ADAMTS2: variants seen among roughly 807,000 people sequenced by gnomAD.
ADAMTS2 encodes the protein A disintegrin and metalloproteinase with thrombospondin motifs 2.
ADAMTS2 carries 50 observed loss-of-function variants against 123.0 expected under a neutral mutation model. The ratio of observed to expected loss-of-function variants is 0.41; its 90% CI spans 0.32 to 0.51. The LOEUF (loss-of-function observed/expected upper bound fraction) is 0.51, where lower values mean the gene tolerates loss of function less well. Among genes scored for constraint, ADAMTS2 ranks in the 20% least tolerant of loss-of-function variants. The pLI, the probability that ADAMTS2 is intolerant of heterozygous loss-of-function variation, is 0.35. For synonymous variants in ADAMTS2, 678 were observed against 695.4 expected (o/e 0.98, Z 0.39); for missense variants, 1,494 against 1,705.2 (o/e 0.88, Z 2.18).
rs958996808 is a variant in ADAMTS2, at chr5:179,260,801, G to A, written c.688+12110C>T. Among the ~76,000 whole-genome samples the A allele has an allele frequency of 5.3e-5, 8 of 152,312 alleles. No homozygotes were observed. Among genetic ancestry groups the A allele is most frequent in the East Asian group, 1.9e-4 (1 of 5,172 alleles). The stretch of plus-strand genomic sequence containing the variant: ...CAGCGTGCTGGCAGACGCGGTCAAC[G>A]GTAAGTGCTCCAGGAACGCGTCACG... On this transcript the variant is annotated intron_variant, in intron 3 of 21. Coordinates refer to ENST00000251582, the MANE Select transcript of ADAMTS2 (RefSeq NM_014244.5). The surrounding 1 kb of genome is among the most constrained non-coding windows in gnomAD (Gnocchi z 4.2).
At chr5:179,179,328 A>C (rs891918460) in intron 5 of ADAMTS2, among the ~76,000 whole-genome samples, 1 of 150,332 alleles carries the variant, frequency 6.7e-6, no homozygotes. Flanking sequence ...CCCCACCCCT[A>C]CTTTTAGGCA....
chr5:179,136,174 G>T, intron 12 of ADAMTS2, 132 bp from the exon 13 acceptor site: 1 of 1,302,234 alleles, frequency 7.7e-7, no homozygotes. Flanking sequence ...AGACAGAGAG[G>T]GAAAGGGGTG....
chr5:179,237,457 T>G (rs1364483940), intron 3 of ADAMTS2, among the ~76,000 whole-genome samples: 2 of 152,078 alleles, frequency 1.3e-5, no homozygotes, highest in East Asian at 1.9e-4. Flanking sequence ...GAGAAAGAAA[T>G]AAACACTATG....
At chr5:179,261,975 G>A (rs1766239274) in intron 3 of ADAMTS2, among the ~76,000 whole-genome samples, 1 of 152,214 alleles carries the variant, frequency 6.6e-6, no homozygotes, top group African/African-American at 2.4e-5. Flanking sequence ...TGCATCCCAG[G>A]GCCTGGCTGC....
intron 3 of ADAMTS2, among the ~76,000 whole-genome samples, chr5:179,241,713 G>A (rs12153128): frequency 0.33 from 50,120 of 152,100 alleles, 8,571 homozygotes; most frequent in Non-Finnish European, 0.35. Flanking sequence ...CATTTTTGCA[G>A]GAAAAGTGTA....
intron 3 of ADAMTS2, among the ~76,000 whole-genome samples, chr5:179,209,537 T>C (rs796104805): frequency 2.5e-5 from 3 of 119,940 alleles, no homozygotes; most frequent in Non-Finnish European, 3.8e-5. Flanking sequence ...CACACACACA[T>C]GCACACACAT....
intron 3 of ADAMTS2, among the ~76,000 whole-genome samples, chr5:179,253,978 A>C (rs1337291646): frequency 3.3e-5 from 5 of 152,152 alleles, no homozygotes; most frequent in Non-Finnish European, 7.3e-5. Context: ...AGGTGATCGG[A>C]GCCCCCTCTA....
chr5:179,259,036 C>T (rs993470089), intron 3 of ADAMTS2, among the ~76,000 whole-genome samples: 2 of 152,158 alleles, frequency 1.3e-5, no homozygotes, highest in African/African-American at 2.4e-5. Flanking sequence ...CTGCCTCTTC[C>T]GTGCTCACCC....
At chr5:179,273,631 G>A (rs1766607516) in intron 2 of ADAMTS2, among the ~76,000 whole-genome samples, 1 of 152,058 alleles carries the variant, frequency 6.6e-6, no homozygotes, top group South Asian at 2.1e-4. Context: ...CCTTGGAAAC[G>A]CAGGCCCTGA....
At chr5:179,150,216 C>T (rs1221358813) in intron 10 of ADAMTS2, among the ~76,000 whole-genome samples, 1 of 141,462 alleles carries the variant, frequency 7.1e-6, no homozygotes, top group Non-Finnish European at 1.6e-5. Flanking sequence ...GTGGGTGCGG[C>T]GGGCGGGGAG....
chr5:179,269,039 G>T (rs541605162), intron 3 of ADAMTS2, among the ~76,000 whole-genome samples: 4 of 152,328 alleles, frequency 2.6e-5, no homozygotes, highest in South Asian at 4.1e-4. Context: ...ACTCGGGTGA[G>T]TCCTAAATGT....
rs1014229562 is a variant in ADAMTS2 at position 179,317,821 on chromosome 5, A to C, written c.534+25946T>G. Among the ~76,000 whole-genome samples the C allele has an allele frequency of 9.9e-5, 15 of 152,182 alleles. No individual in the cohort carries two copies. Among genetic ancestry groups the C allele is most frequent in the Non-Finnish European group, 1.5e-4 (10 of 68,022 alleles). On this transcript the variant is annotated intron_variant, in intron 2 of 21. Transcript: ENST00000251582. The surrounding 1 kb of genome is among the most constrained non-coding windows in gnomAD (Gnocchi z 4.9). ...GCTGGGGAGAGTGGAGCAGACGTACAGGATGGAGGGTAGAGGTGGGGCTGG... is the reference window on the plus strand; with the variant it reads ...GCTGGGGAGAGTGGAGCAGACGTACCGGATGGAGGGTAGAGGTGGGGCTGG...
intron 1 of ADAMTS2, 129 bp from the exon 2 acceptor site, chr5:179,344,290 C>T: frequency 7.9e-7 from 1 of 1,258,804 alleles, no homozygotes; most frequent in Non-Finnish European, 1.1e-6. Context: ...CCAGGCGACC[C>T]CAGAAGCCAG....
At chr5:179,218,817 A>C (rs1399149088) in intron 3 of ADAMTS2, among the ~76,000 whole-genome samples, 1 of 152,130 alleles carries the variant, frequency 6.6e-6, no homozygotes, top group Non-Finnish European at 1.5e-5. Flanking sequence ...CAGGGAGAAA[A>C]AGGAAGCACT....
chr5:179,124,862 G>T, intron 19 of ADAMTS2, 111 bp downstream of exon 19: 1 of 1,597,106 alleles, frequency 6.3e-7, no homozygotes, highest in Non-Finnish European at 8.5e-7. Flanking sequence ...TGGCATGCAC[G>T]GAGCGGGTGG....
rs534704874 is a variant in ADAMTS2, at chr5:179,316,106, G to A, written c.534+27661C>T. Among the ~76,000 whole-genome samples, 26 of 152,326 alleles carry A rather than the reference G, an allele frequency of 1.7e-4. 1 individual carries two copies. Among genetic ancestry groups the A allele is most frequent in the Middle Eastern group, 6.8e-3 (2 of 294 alleles). On this transcript the variant is annotated intron_variant, in intron 2 of 21. Transcript: ENST00000251582. The stretch of plus-strand genomic sequence containing the variant: ...GTTCAAAAGCTCCCAGAGGGAAAGA[G>A]CAGATCAGATCAGTGTAAACAGGGA...
At chr5:179,319,769 C>G (rs1192562445) in intron 2 of ADAMTS2, among the ~76,000 whole-genome samples, 1 of 152,120 alleles carries the variant, frequency 6.6e-6, no homozygotes, top group Non-Finnish European at 1.5e-5. Context: ...ACCCAGAAAC[C>G]ACAGGAAGCA....
At position 179,227,787 on chromosome 5, in the gene ADAMTS2, G is replaced by A. The variant is rs74499329; in HGVS notation, c.689-20072C>T. On this transcript the variant is annotated intron_variant, in intron 3 of 21. Coordinates refer to ENST00000251582, the MANE Select transcript of ADAMTS2 (RefSeq NM_014244.5). ...CTGTGCCAAGGAGGGAGGGCCAGGA[G>A]AGGAGAGATGGCCGAGGCCGGGAGG... is the stretch of plus-strand genomic sequence containing the variant. 5.5e-3 allele frequency among the ~76,000 whole-genome samples: 837 copies of A among 152,232 alleles called. 6 individuals carry two copies. The highest frequency in any genetic ancestry group is 0.019 in the African/African-American group (793 of 41,516).
intron 10 of ADAMTS2, among the ~76,000 whole-genome samples, chr5:179,145,913 C>T (rs1173140546): frequency 6.6e-6 from 1 of 152,150 alleles, no homozygotes; most frequent in East Asian, 1.9e-4. Flanking sequence ...AGCGAAGTGG[C>T]GAGATCTCGG....
Sources: allele counts gnomAD v4.1 joint callset (sites outside exome capture counted in the v4.1 genomes callset), GRCh38; gene constraint gnomAD v4.1.1; non-coding constraint Gnocchi (gnomAD v3.1); transcripts MANE v1.5; gene names NCBI Gene and HGNC (gene_info 2026-07-23, HGNC 2026-07-21).